Variants in CSNK1D observed in about 807,000 individuals in gnomAD.
The protein encoded by CSNK1D is casein kinase 1 delta.
In CSNK1D, 16 loss-of-function variants were observed where a neutral mutation model predicts 46.6. The observed-to-expected ratio is 0.34, with a 90% CI of 0.23 to 0.52. The LOEUF is 0.52. CSNK1D is among the 20% of genes least tolerant of loss of function. CSNK1D has a pLI of 0.95. For missense variants in CSNK1D, 398 were observed against 578.4 expected (o/e 0.69, Z 3.20); for synonymous variants, 276 against 228.2 (o/e 1.21, Z -1.89).
At chr17:82,256,119 T>C (rs1166051095) in intron 2 of CSNK1D, among the ~76,000 whole-genome samples, 1 of 152,260 alleles carries the variant, frequency 6.6e-6, no homozygotes, top group South Asian at 2.1e-4. Flanking sequence ...GATTGAAATA[T>C]ACAAATCAGG....
chr17:82,245,792 C>A (rs373853481), intron 8 of CSNK1D, among the ~76,000 whole-genome samples: 2 of 152,234 alleles, frequency 1.3e-5, no homozygotes, highest in African/African-American at 2.4e-5. Context: ...CAGCCTCCCC[C>A]CAAGACTGGG....
In CSNK1D at chr17:82,273,423, C is replaced by G. The variant is rs776584503; in HGVS notation, c.-42G>C. On this transcript the variant is annotated 5_prime_UTR_variant, in exon 1 of 9. Coordinates refer to ENST00000314028, the MANE Select transcript of CSNK1D (RefSeq NM_001893.6). The surrounding 1 kb of genome is among the most constrained non-coding windows in gnomAD (Gnocchi z 5.1). ...TTCGCTCCTGCCCTCCCGGCCGCTT[C>G]CTGGGTCTGAACTCTGGGAGGCGGC... is the stretch of plus-strand genomic sequence containing the variant. 4 of 1,607,576 alleles carry G rather than the reference C, an allele frequency of 2.5e-6. No individual in the cohort carries two copies. The highest frequency in any genetic ancestry group is 3.4e-6 in the Non-Finnish European group (4 of 1,178,132).
In CSNK1D at chr17:82,255,224, C is replaced by T. The variant is rs1297242996; in HGVS notation, c.336+205G>A. 9 of 658,770 alleles carry T rather than the reference C, an allele frequency of 1.4e-5. No homozygotes were observed. The highest frequency in any genetic ancestry group is 4.1e-4 in the Middle Eastern group (1 of 2,458). The allele number at this position is 658,770 out of a possible 1,614,324, so 40.8% of individuals were successfully genotyped here. A position where few individuals can be genotyped will look rare whatever the true frequency, so the allele number is the denominator to read the frequency against. On this transcript the variant is annotated intron_variant, in intron 3 of 8. Coordinates refer to ENST00000314028, the MANE Select transcript of CSNK1D (RefSeq NM_001893.6). This position sits in a 1 kb window ranked among gnomAD's most constrained non-coding sequence, Gnocchi z 5.9. ...CTCGAGAAGCCAGTGAGCTGGGCCG[C>T]CGGAGCCTCGAGAAGCCAGTGAGCG...
intron 8 of CSNK1D, chr17:82,247,908 C>T (rs2147157820): frequency 1.0e-6 from 1 of 985,474 alleles, no homozygotes; most frequent in Non-Finnish European, 1.2e-6. Flanking sequence ...AAACCCCAAT[C>T]ATTAAAAGAC....
In CSNK1D at chr17:82,252,067, G is replaced by A. The variant is rs2051026481; in HGVS notation, c.736+367C>T. ...TGTATCCTGGGGCAATCCTACAAAT[G>A]CAAAGGAAATCTCCCGAGCTCCTGG... On this transcript the variant is annotated intron_variant, in intron 5 of 8. Transcript: ENST00000314028. The surrounding 1 kb of genome is among the most constrained non-coding windows in gnomAD (Gnocchi z 4.6). Among the ~76,000 whole-genome samples the A allele has an allele frequency of 6.6e-6, 1 of 152,154 alleles. No homozygotes were observed. The highest frequency in any genetic ancestry group is 2.4e-5 in the African/African-American group (1 of 41,436).
At position 82,243,683 on chromosome 17, in the gene CSNK1D, T is replaced by C. The variant is rs957855453; in HGVS notation, c.*1098A>G. On this transcript the variant is annotated 3_prime_UTR_variant, in exon 9 of 9. Transcript: ENST00000314028. ...TGGCCTGCCGGCTTTTCTGAGCTAG[T>C]CTTGGCACGTGGCAAGGACAGCCCC... 2.0e-5 allele frequency: 20 copies of C among 985,356 alleles called. No homozygotes were observed. Among genetic ancestry groups the C allele is most frequent in the Non-Finnish European group, 2.2e-5 (18 of 829,970 alleles). 61.0% of individuals were successfully genotyped at this position (985,356 alleles called of 1,614,324 possible). A position where few individuals can be genotyped will look rare whatever the true frequency, so the allele number is the denominator to read the frequency against.
chr17:82,269,248 G>A (rs1033308992), intron 1 of CSNK1D, among the ~76,000 whole-genome samples: 4 of 152,110 alleles, frequency 2.6e-5, no homozygotes, highest in Non-Finnish European at 4.4e-5. Flanking sequence ...AAAAAACAGG[G>A]AGACGCCTTG....
At position 82,252,449 on chromosome 17, in the gene CSNK1D, A is replaced by C; in HGVS notation, c.721T>G (p.Cys241Gly). 1 of 1,614,054 alleles carries C rather than the reference A, an allele frequency of 6.2e-7. No homozygotes were observed. Among genetic ancestry groups the C allele is most frequent in the East Asian group, 2.2e-5 (1 of 44,866 alleles). Residue 241 changes from cysteine to glycine, a missense_variant, in exon 5 of 9, where the codon TGT becomes GGT. This residue lies in a region of CSNK1D where 217 missense variants were observed against 370.3 expected (regional missense o/e 0.59). Transcript: ENST00000314028. This position sits in a 1 kb window ranked among gnomAD's most constrained non-coding sequence, Gnocchi z 4.6. The stretch of plus-strand genomic sequence containing the variant: ...AGAGACTTACAAGGGTAGCCTTTAC[A>C]CAACACTTCGATGGGGGTGGACATT... ...KKMSTPIEVL[C>G]KGYPSEFATY...
chr17:82,273,604 C>G lies in CSNK1D; in HGVS notation c.-223G>C. The G allele has an allele frequency of 1.7e-6, 1 of 579,818 alleles. No homozygotes were observed. Among genetic ancestry groups the G allele is most frequent in the Non-Finnish European group, 3.0e-6 (1 of 334,048 alleles). The allele number at this position is 579,818 out of a possible 1,614,324, so 35.9% of individuals were successfully genotyped here. On this transcript the variant is annotated 5_prime_UTR_variant, in exon 1 of 9. Coordinates refer to ENST00000314028, the MANE Select transcript of CSNK1D (RefSeq NM_001893.6). This position sits in a 1 kb window ranked among gnomAD's most constrained non-coding sequence, Gnocchi z 5.1. ...CCGCCGCCGCTGCTCCGGCCCCTAC[C>G]GGTCCCGCTTGCCCTCTCCCCGCCG...
Position 82,252,414 on chromosome 17 carries a change from A to G in CSNK1D, c.736+20T>C, listed in dbSNP as rs2051036812. The G allele has an allele frequency of 6.2e-7, 1 of 1,613,340 alleles. No individual in the cohort carries two copies. Among genetic ancestry groups the G allele is most frequent in the Non-Finnish European group, 8.5e-7 (1 of 1,179,454 alleles). ...ACCCCTGTGAGCAGCTCCGCTGAGA[A>G]GAGGCCTCCAGAGACTTACAAGGGT... is the stretch of plus-strand genomic sequence containing the variant. On this transcript the variant is annotated intron_variant, in intron 5 of 8. Transcript: ENST00000314028. The surrounding 1 kb of genome is among the most constrained non-coding windows in gnomAD (Gnocchi z 4.6).
intron 8 of CSNK1D, chr17:82,246,222 G>A (rs1292657402): frequency 6.6e-7 from 1 of 1,506,528 alleles, no homozygotes; most frequent in Non-Finnish European, 8.9e-7. Flanking sequence ...CTCTGGATGA[G>A]AGTGGTGCCC....
intron 8 of CSNK1D, chr17:82,247,464 GC>G: frequency 1.0e-6 from 1 of 985,458 alleles, no homozygotes; most frequent in Non-Finnish European, 1.2e-6. Context: ...AAGCACTCAG[GC>G]CCCTTCCCTA....
Position 82,244,536 on chromosome 17 carries a change from T to C in CSNK1D, c.*245A>G. ...GATTCTCTGCAATTCTCTCTCTGCTTTTCTTCCCAGCCCCGTTACAACCGA... is the reference window on the plus strand; with the variant it reads ...GATTCTCTGCAATTCTCTCTCTGCTCTTCTTCCCAGCCCCGTTACAACCGA... On this transcript the variant is annotated 3_prime_UTR_variant, in exon 9 of 9. Coordinates refer to ENST00000314028, the MANE Select transcript of CSNK1D (RefSeq NM_001893.6). The C allele has an allele frequency of 1.4e-6, 2 of 1,451,744 alleles. No individual in the cohort carries two copies. The highest frequency in any genetic ancestry group is 1.8e-6 in the Non-Finnish European group (2 of 1,102,588). 89.9% of individuals were successfully genotyped at this position (1,451,744 alleles called of 1,614,324 possible).
Position 82,255,634 on chromosome 17 carries a change from T to C in CSNK1D, c.188-57A>G. The C allele has an allele frequency of 1.2e-6, 2 of 1,603,884 alleles. No homozygotes were observed. The highest frequency in any genetic ancestry group is 1.7e-6 in the Non-Finnish European group (2 of 1,171,260). ...TCCAGGCCCTGCCTCAGCTCCACACTAAGTCTGCACTGTGCACACCAAGGG... is the reference window on the plus strand; with the variant it reads ...TCCAGGCCCTGCCTCAGCTCCACACCAAGTCTGCACTGTGCACACCAAGGG... On this transcript the variant is annotated intron_variant, in intron 2 of 8. Transcript: ENST00000314028. This position sits in a 1 kb window ranked among gnomAD's most constrained non-coding sequence, Gnocchi z 5.9.
chr17:82,243,220 G>C lies in CSNK1D; in HGVS notation c.*1561C>G, dbSNP rs577211378. 18 of 985,636 alleles carry C rather than the reference G, an allele frequency of 1.8e-5. No individual in the cohort carries two copies. The highest frequency in any genetic ancestry group is 6.1e-5 in the Admixed American group (1 of 16,286). The allele number at this position is 985,636 out of a possible 1,614,324, so 61.1% of individuals were successfully genotyped here. Reference sequence around the variant, plus strand: ...GGGGTGAACAACTGTGTTCTGGGACGCCAGCCAGTTATGGCATCCGGGGAA... The same window carrying C: ...GGGGTGAACAACTGTGTTCTGGGACCCCAGCCAGTTATGGCATCCGGGGAA... On this transcript the variant is annotated 3_prime_UTR_variant, in exon 9 of 9. Coordinates refer to ENST00000314028, the MANE Select transcript of CSNK1D (RefSeq NM_001893.6).
chr17:82,239,692 C>T (rs1351758082), downstream of CSNK1D: 17 of 347,440 alleles, frequency 4.9e-5, no homozygotes, highest in East Asian at 6.0e-4. Context: ...TGAAATGTGC[C>T]AGGGAGCCCC....
chr17:82,273,573 C>G lies in CSNK1D; in HGVS notation c.-192G>C. The G allele has an allele frequency of 1.6e-6, 1 of 639,316 alleles. No individual in the cohort carries two copies. The highest frequency in any genetic ancestry group is 2.6e-6 in the Non-Finnish European group (1 of 383,252). 39.6% of individuals were successfully genotyped at this position (639,316 alleles called of 1,614,324 possible). A position where few individuals can be genotyped will look rare whatever the true frequency, so the allele number is the denominator to read the frequency against. ...TCAATACGGGGCGGATGGGACAGTC[C>G]GAGCGCCGCCGCCGCTGCTCCGGCC... On this transcript the variant is annotated 5_prime_UTR_variant, in exon 1 of 9. Coordinates refer to ENST00000314028, the MANE Select transcript of CSNK1D (RefSeq NM_001893.6). This position sits in a 1 kb window ranked among gnomAD's most constrained non-coding sequence, Gnocchi z 5.1.
At position 82,250,121 on chromosome 17, in the gene CSNK1D, T is replaced by C. The variant is rs757783291; in HGVS notation, c.886-519A>G. On this transcript the variant is annotated intron_variant, in intron 6 of 8. Transcript: ENST00000314028. This position sits in a 1 kb window ranked among gnomAD's most constrained non-coding sequence, Gnocchi z 4.6. ...GGCCAGCAGCCGGCAGCCGGATCTG[T>C]GCTGCACTATCCAGATGCACGGGGG... The C allele has an allele frequency of 3.1e-6, 4 of 1,290,772 alleles. No individual in the cohort carries two copies. The South Asian group carries it at 3.7e-5, about 12-fold the overall frequency. The allele number at this position is 1,290,772 out of a possible 1,614,324, so 80.0% of individuals were successfully genotyped here.
At chr17:82,246,135 C>T in intron 8 of CSNK1D, 1 of 1,548,876 alleles carries the variant, frequency 6.5e-7, no homozygotes, top group Middle Eastern at 1.7e-4. Flanking sequence ...TTGCCTCAAC[C>T]AGGTCCACAG....
Sources: gnomAD v4.1 joint callset for allele counts (sites outside exome capture counted in the v4.1 genomes callset) on GRCh38, gnomAD v4.1.1 for gene constraint, gnomAD v4.1.1 regional missense constraint, Gnocchi (gnomAD v3.1) non-coding constraint, MANE v1.5 for transcripts, NCBI Gene and HGNC (gene_info 2026-07-23, HGNC 2026-07-21) for gene names.